Variants in EPB41L3 observed in about 807,000 individuals in gnomAD.
EPB41L3 encodes the protein erythrocyte membrane protein band 4.1 like 3, also known as band 4.1-like protein 3.
In EPB41L3, 57 loss-of-function variants were observed where a neutral mutation model predicts 127.1. That is an observed-to-expected ratio of 0.45 (90% confidence interval 0.36 to 0.56). The LOEUF (loss-of-function observed/expected upper bound fraction) is 0.56, where lower values mean the gene tolerates loss of function less well. Among genes scored for constraint, EPB41L3 ranks in the 20% least tolerant of loss-of-function variants. EPB41L3 has a pLI of 0.00. For missense variants in EPB41L3, 1,273 were observed against 1,372.2 expected (o/e 0.93, Z 1.14); for synonymous variants, 572 against 549.5 (o/e 1.04, Z -0.57).
At chr18:5,566,409 G>A (rs964566615) in intron 3 of EPB41L3, among the ~76,000 whole-genome samples, 13 of 152,108 alleles carry the variant, frequency 8.5e-5, no homozygotes, top group African/African-American at 2.7e-4. Context: ...TACAAGGGAC[G>A]CGAAGGACCT....
At position 5,543,813 on chromosome 18, in the gene EPB41L3, C is replaced by G. The variant is rs1471095183; in HGVS notation, c.-12+100G>C. 2 of 922,566 alleles carry G rather than the reference C, an allele frequency of 2.2e-6. No individual in the cohort carries two copies. Among genetic ancestry groups the G allele is most frequent in the African/African-American group, 3.6e-5 (2 of 55,740 alleles). The allele number at this position is 922,566 out of a possible 1,614,324, so 57.1% of individuals were successfully genotyped here. Reference sequence around the variant, plus strand: ...GCGCCGAAGCCACGCGTCAGCCCCACTGTCCCGCGCGCCTCGCCCCAGGCC... The same window carrying G: ...GCGCCGAAGCCACGCGTCAGCCCCAGTGTCCCGCGCGCCTCGCCCCAGGCC... On this transcript the variant is annotated intron_variant, in intron 1 of 22. Coordinates refer to ENST00000341928, the MANE Select transcript of EPB41L3 (RefSeq NM_012307.5). This position sits in a 1 kb window ranked among gnomAD's most constrained non-coding sequence, Gnocchi z 5.2.
At chr18:5,446,010 G>A (rs1015234009) in intron 3 of EPB41L3, among the ~76,000 whole-genome samples, 9 of 152,184 alleles carry the variant, frequency 5.9e-5, no homozygotes, top group Non-Finnish European at 8.8e-5. Context: ...GCAGCTCTAT[G>A]AGATAAACTT....
At chr18:5,562,429 A>G (rs1234175435) in intron 3 of EPB41L3, among the ~76,000 whole-genome samples, 1 of 152,226 alleles carries the variant, frequency 6.6e-6, no homozygotes, top group East Asian at 1.9e-4. Flanking sequence ...AGCTTAGAAA[A>G]GAGAAGCATT....
In EPB41L3 at chr18:5,398,153, CAA is replaced by C; in HGVS notation, c.2350-12_2350-11del. The C allele has an allele frequency of 6.2e-7, 1 of 1,613,646 alleles. No homozygotes were observed. Among genetic ancestry groups the C allele is most frequent in the South Asian group, 1.1e-5 (1 of 91,028 alleles). The stretch of plus-strand genomic sequence containing the variant: ...CAGAAGACTGCTTAGTCTGAGTGAA[CAA>C]AGAGAGGCAGAGTCAAGCACAAAAG... On this transcript the variant is annotated splice_polypyrimidine_tract_variant and intron_variant, in intron 16 of 22. Coordinates refer to ENST00000341928, the MANE Select transcript of EPB41L3 (RefSeq NM_012307.5).
At chr18:5,449,791 C>G (rs1348926280) in intron 3 of EPB41L3, among the ~76,000 whole-genome samples, 2 of 152,246 alleles carry the variant, frequency 1.3e-5, no homozygotes, top group East Asian at 3.9e-4. Context: ...TTCCAAGGCC[C>G]CTAATGGATG....
At chr18:5,534,566 G>C (rs1455516726) in intron 1 of EPB41L3, among the ~76,000 whole-genome samples, 3 of 152,164 alleles carry the variant, frequency 2.0e-5, no homozygotes, top group African/African-American at 7.2e-5. Flanking sequence ...GTTATCTGGA[G>C]TTTCATACTC....
chr18:5,588,353 T>A (rs2094457663), intron 3 of EPB41L3, among the ~76,000 whole-genome samples: 1 of 152,106 alleles, frequency 6.6e-6, no homozygotes, highest in African/African-American at 2.4e-5. Context: ...CTTTTCCTAA[T>A]TATAAATGAG....
At chr18:5,415,167 C>T (rs1467442860) in intron 13 of EPB41L3, among the ~76,000 whole-genome samples, 2 of 152,206 alleles carry the variant, frequency 1.3e-5, no homozygotes, top group Non-Finnish European at 2.9e-5. Context: ...CACTGCATGC[C>T]GTTGCTTCTG....
At chr18:5,525,321 G>T (rs994953882) in intron 1 of EPB41L3, among the ~76,000 whole-genome samples, 1 of 152,188 alleles carries the variant, frequency 6.6e-6, no homozygotes, top group Non-Finnish European at 1.5e-5. Flanking sequence ...ACAGACGCCA[G>T]CACTGGGATT....
intron 9 of EPB41L3, among the ~76,000 whole-genome samples, chr18:5,427,995 C>T (rs1180047568): frequency 6.6e-6 from 1 of 151,994 alleles, no homozygotes; most frequent in African/African-American, 2.4e-5. Flanking sequence ...TCCACGCCCC[C>T]ACCCCGCCCC....
chr18:5,496,763 A>G (rs1214859582), intron 1 of EPB41L3, among the ~76,000 whole-genome samples: 1 of 152,246 alleles, frequency 6.6e-6, no homozygotes, highest in Admixed American at 6.5e-5. Flanking sequence ...TTATCAATTA[A>G]CTTAGAAATA....
At chr18:5,469,131 G>C (rs765798845) in intron 3 of EPB41L3, among the ~76,000 whole-genome samples, 1 of 152,114 alleles carries the variant, frequency 6.6e-6, no homozygotes, top group Non-Finnish European at 1.5e-5. Context: ...AACTGAAAAA[G>C]CTGTAACACA....
At chr18:5,605,066 C>A (rs2094635153) in intron 3 of EPB41L3, among the ~76,000 whole-genome samples, 1 of 152,084 alleles carries the variant, frequency 6.6e-6, no homozygotes, top group Non-Finnish European at 1.5e-5. Flanking sequence ...GGGCCAACAT[C>A]CAAAATGACT....
chr18:5,503,519 A>G (rs183989737), intron 1 of EPB41L3, among the ~76,000 whole-genome samples: 70 of 152,358 alleles, frequency 4.6e-4, no homozygotes, highest in African/African-American at 1.7e-3. Context: ...GTAGGATTCT[A>G]AAATGCAGCC....
At chr18:5,575,041 T>A (rs1187489991) in intron 3 of EPB41L3, among the ~76,000 whole-genome samples, 1 of 152,184 alleles carries the variant, frequency 6.6e-6, no homozygotes, top group Non-Finnish European at 1.5e-5. Flanking sequence ...TACCACTGGA[T>A]ATGAGCATGT....
chr18:5,481,596 C>T (rs1042169964), intron 2 of EPB41L3, among the ~76,000 whole-genome samples: 14 of 152,150 alleles, frequency 9.2e-5, no homozygotes, highest in East Asian at 3.9e-4. Flanking sequence ...GAAATATCCC[C>T]GAGGACAGGC....
rs1413176938 is a variant in EPB41L3 at position 5,420,811 on chromosome 18, A to C, written c.1340-934T>G. On this transcript the variant is annotated intron_variant, in intron 11 of 22. Transcript: ENST00000341928. ...ATACACAGTAACTAATCACAGACAA[A>C]ATATCTACATTATTATTTTAGGAAT... is the stretch of plus-strand genomic sequence containing the variant. 2.0e-5 allele frequency among the ~76,000 whole-genome samples: 3 copies of C among 152,242 alleles called. No homozygotes were observed. The East Asian group carries it at 5.8e-4, about 29-fold the overall frequency.
Position 5,407,753 on chromosome 18 carries a change from A to G in EPB41L3, c.2122-17T>C. On this transcript the variant is annotated splice_polypyrimidine_tract_variant and intron_variant, in intron 14 of 22. Transcript: ENST00000341928. ...CTGGTCCGACTGCCAGCATCAAGAA[A>G]GAGTGGGAAATAAAGTCTTACATGC... 1 of 1,613,722 alleles carries G rather than the reference A, an allele frequency of 6.2e-7. No individual in the cohort carries two copies. The highest frequency in any genetic ancestry group is 8.5e-7 in the Non-Finnish European group (1 of 1,179,626).
chr18:5,608,562 TAA>T (rs2094689667), intron 3 of EPB41L3, among the ~76,000 whole-genome samples: 1 of 152,110 alleles, frequency 6.6e-6, no homozygotes, highest in Admixed American at 6.6e-5. Context: ...ATCTCACAAA[TAA>T]AGTGTTATCT....
Sources: gnomAD v4.1 joint callset for allele counts (sites outside exome capture counted in the v4.1 genomes callset) on GRCh38, gnomAD v4.1.1 for gene constraint, Gnocchi (gnomAD v3.1) non-coding constraint, MANE v1.5 for transcripts, NCBI Gene and HGNC (gene_info 2026-07-23, HGNC 2026-07-21) for gene names.